Variants in CORO6 observed in about 807,000 individuals in gnomAD.
CORO6 encodes the protein coronin 6, also known as coronin-6.
Under a neutral mutation model 49.0 loss-of-function variants are expected in CORO6, and 43 were observed. The observed-to-expected ratio is 0.88, with a 90% CI of 0.69 to 1.13. The LOEUF is 1.13. Ranked by LOEUF, CORO6 falls within the 50% of genes most tolerant of loss-of-function variation. The pLI, the probability that CORO6 is intolerant of heterozygous loss-of-function variation, is 0.00. For missense variants in CORO6, 650 were observed against 647.0 expected (o/e 1.00, Z -0.05); for synonymous variants, 233 against 256.5 (o/e 0.91, Z 0.88).
Position 29,618,983 on chromosome 17 carries a change from G to A in CORO6, c.452-12C>T. The stretch of plus-strand genomic sequence containing the variant: ...CACATTGTCACCACCTGCCCAGAGT[G>A]GCCAGGCATGGTCACCTGGGTCCCA... On this transcript the variant is annotated splice_polypyrimidine_tract_variant and intron_variant, in intron 4 of 10. Transcript: ENST00000388767. The A allele has an allele frequency of 6.2e-7, 1 of 1,613,332 alleles. No individual in the cohort carries two copies. Among genetic ancestry groups the A allele is most frequent in the Non-Finnish European group, 8.5e-7 (1 of 1,179,702 alleles).
At chr17:29,617,335 G>C in intron 6 of CORO6, 165 bp downstream of exon 6, 1 of 1,532,464 alleles carries the variant, frequency 6.5e-7, no homozygotes, top group Non-Finnish European at 8.7e-7. Flanking sequence ...ACGCGACGCA[G>C]CAAAACTGGG....
Position 29,615,716 on chromosome 17 carries a change from T to A in CORO6, c.*16A>T, listed in dbSNP as rs1474487444. 6.7e-7 allele frequency: 1 copy of A among 1,491,008 alleles called. No homozygotes were observed. Among genetic ancestry groups the A allele is most frequent in the Non-Finnish European group, 8.9e-7 (1 of 1,123,898 alleles). The allele number at this position is 1,491,008 out of a possible 1,614,324, so 92.4% of individuals were successfully genotyped here. Reference sequence around the variant, plus strand: ...CTTGTGCGCCCCGCCCCGCTCCGCCTGCCTGGCGCGCGGGGCTAGTCCGTG... The same window carrying A: ...CTTGTGCGCCCCGCCCCGCTCCGCCAGCCTGGCGCGCGGGGCTAGTCCGTG... On this transcript the variant is annotated 3_prime_UTR_variant, in exon 11 of 11. Transcript: ENST00000388767.
Position 29,616,444 on chromosome 17 carries a change from A to G in CORO6, c.1005-108T>C, listed in dbSNP as rs2034924143. The G allele has an allele frequency of 1.9e-6, 2 of 1,066,248 alleles. No homozygotes were observed. The highest frequency in any genetic ancestry group is 2.7e-6 in the Non-Finnish European group (2 of 730,312). 66.0% of individuals were successfully genotyped at this position (1,066,248 alleles called of 1,614,324 possible). A position where few individuals can be genotyped will look rare whatever the true frequency, so the allele number is the denominator to read the frequency against. On this transcript the variant is annotated intron_variant, in intron 8 of 10. Coordinates refer to ENST00000388767, the MANE Select transcript of CORO6 (RefSeq NM_032854.4). The surrounding 1 kb of genome is among the most constrained non-coding windows in gnomAD (Gnocchi z 5.6). The stretch of plus-strand genomic sequence containing the variant: ...AACACTTGCTCAGCGCCTACCATGC[A>G]TATTGCACATTACACACATTATTGG...
chr17:29,622,769 C>A lies in CORO6; in HGVS notation c.-145G>T, dbSNP rs1462987699. ...CGAGTGCGTAGGGGGCCGAGGAAGG[C>A]TTCAGGGCGAAGGAGCCACCTCTCC... On this transcript the variant is annotated 5_prime_UTR_variant, in exon 1 of 11. Coordinates refer to ENST00000388767, the MANE Select transcript of CORO6 (RefSeq NM_032854.4). The A allele has an allele frequency of 7.6e-7, 1 of 1,323,100 alleles. No individual in the cohort carries two copies. The highest frequency in any genetic ancestry group is 5.1e-5 in the East Asian group (1 of 19,582). The allele number at this position is 1,323,100 out of a possible 1,614,324, so 82.0% of individuals were successfully genotyped here.
rs751078194 is a variant in CORO6 at position 29,616,811 on chromosome 17, C to A, written c.895G>T (p.Glu299Ter). The change falls in exon 8 of 11, where the codon GAG becomes TAG. Residue 299 changes from glutamate to a stop codon, truncating the protein, a stop_gained. Transcript: ENST00000388767. LOFTEE classifies it high-confidence loss of function. The surrounding 1 kb of genome is among the most constrained non-coding windows in gnomAD (Gnocchi z 5.6). ...SSIRYFEITD[E>*]PPFVHYLNTF... is the part of the protein sequence containing the mutation. Reference sequence around the variant, plus strand: ...TTCAGGTAGTGCACGAAAGGCGGCTCGTCGGTAATCTCAAAGTACCGAATG... The same window carrying A: ...TTCAGGTAGTGCACGAAAGGCGGCTAGTCGGTAATCTCAAAGTACCGAATG... 9 of 1,613,722 alleles carry A rather than the reference C, an allele frequency of 5.6e-6. No homozygotes were observed. Among genetic ancestry groups the A allele is most frequent in the South Asian group, 1.1e-5 (1 of 91,080 alleles).
Position 29,615,727 on chromosome 17 carries a change from C to T in CORO6, c.*5G>A, listed in dbSNP as rs773126156. The T allele has an allele frequency of 5.7e-5, 85 of 1,498,768 alleles. No individual in the cohort carries two copies. The African/African-American group carries it at 1.0e-3, about 18-fold the overall frequency. The allele number at this position is 1,498,768 out of a possible 1,614,324, so 92.8% of individuals were successfully genotyped here. On this transcript the variant is annotated 3_prime_UTR_variant, in exon 11 of 11. Transcript: ENST00000388767. ...CGCCCCGCTCCGCCTGCCTGGCGCG[C>T]GGGGCTAGTCCGTGCCGTCCACCAG...
rs2035042910 is a variant in CORO6 at position 29,617,570 on chromosome 17, G to C, written c.683C>G (p.Thr228Arg). The C allele has an allele frequency of 6.2e-7, 1 of 1,608,488 alleles. No homozygotes were observed. The highest frequency in any genetic ancestry group is 8.5e-7 in the Non-Finnish European group (1 of 1,178,642). ...EGMRPMRAVF[T>R]RQGHIFTTGF... ...CGTGGTGAAGATATGGCCCTGGCGCGTGAAGACGGCCCGCATGGGCCTCAT... is the reference window on the plus strand; with the variant it reads ...CGTGGTGAAGATATGGCCCTGGCGCCTGAAGACGGCCCGCATGGGCCTCAT... The change falls in exon 6 of 11, where the codon ACG becomes AGG. Residue 228 changes from threonine to arginine, a missense_variant. By Grantham distance (71) the Thr-to-Arg change is moderately conservative. Transcript: ENST00000388767.
At chr17:29,620,018 T>G (rs1212425587) in intron 2 of CORO6, among the ~76,000 whole-genome samples, 1 of 152,170 alleles carries the variant, frequency 6.6e-6, no homozygotes, top group East Asian at 1.9e-4. Flanking sequence ...AACAAGATAC[T>G]TGTAGAGCTG....
intron 5 of CORO6, 147 bp from the exon 6 acceptor site, chr17:29,617,766 T>G (rs2035061678): frequency 1.1e-6 from 1 of 895,188 alleles, no homozygotes; most frequent in Non-Finnish European, 1.6e-6. Flanking sequence ...AGCACTCAGC[T>G]TCCTGCGGGG....
intron 1 of CORO6, 84 bp downstream of exon 1, chr17:29,622,604 G>A (rs995457617): frequency 1.3e-6 from 1 of 775,134 alleles, no homozygotes; most frequent in African/African-American, 1.9e-5. Flanking sequence ...GCGGCGCGGG[G>A]GGAGGAGGCG....
At position 29,616,132 on chromosome 17, in the gene CORO6, G is replaced by C. The variant is rs201736872; in HGVS notation, c.1106C>G (p.Pro369Arg). The change falls in exon 10 of 11, where the codon CCG (proline) becomes CGG (arginine). Residue 369 changes from proline to arginine, a missense_variant. Pro to Arg is a moderately radical substitution (Grantham distance 103, BLOSUM62 -2). Transcript: ENST00000388767. The surrounding 1 kb of genome is among the most constrained non-coding windows in gnomAD (Gnocchi z 5.6). ...QDDLYPDTPG[P>R]EPALEADEWL... ...TTCGTCCGCTTCTAGGGCCGGCTCC[G>C]GGCCTGGCGTATCCGGGTACAGATC... The C allele has an allele frequency of 9.4e-5, 152 of 1,613,474 alleles. No individual in the cohort carries two copies. Among genetic ancestry groups the C allele is most frequent in the Non-Finnish European group, 2.5e-5 (29 of 1,180,016 alleles).
chr17:29,622,828 G>C lies in CORO6; in HGVS notation c.-204C>G. The C allele has an allele frequency of 7.7e-7, 1 of 1,306,984 alleles. No individual in the cohort carries two copies. Among genetic ancestry groups the C allele is most frequent in the Non-Finnish European group, 1.0e-6 (1 of 992,048 alleles). The allele number at this position is 1,306,984 out of a possible 1,614,324, so 81.0% of individuals were successfully genotyped here. On this transcript the variant is annotated 5_prime_UTR_variant, in exon 1 of 11. Transcript: ENST00000388767. The stretch of plus-strand genomic sequence containing the variant: ...GTAGTATCTGGGACCCGGGTGTCCA[G>C]CTCCGCACTCTGGCCGATCCTGCGG...
In CORO6 at chr17:29,616,974, G is replaced by A; in HGVS notation, c.822C>T (p.Tyr274=). The change falls in exon 7 of 11, where the codon TAC becomes TAT. Residue 274 remains tyrosine, a synonymous_variant. Transcript: ENST00000388767. This position sits in a 1 kb window ranked among gnomAD's most constrained non-coding sequence, Gnocchi z 5.6. ...GGTAGACGATGCTGGAGTCGGGATC[G>A]TAAAAGGGCAATAGGACCCCGTTGC... The part of the protein sequence containing the change: ...DTSNGVLLPF[Y]DPDSSIVYLC... The A allele has an allele frequency of 6.2e-7, 1 of 1,613,774 alleles. No homozygotes were observed.
rs1182189738 is a variant in CORO6, at chr17:29,621,425, T to C, written c.-4A>G. Reference sequence around the variant, plus strand: ...GCCGAACCACACGTCTGCTCATAGCTGCAGGCAGAGAGGTAGGATCTCAGT... The same window carrying C: ...GCCGAACCACACGTCTGCTCATAGCCGCAGGCAGAGAGGTAGGATCTCAGT... On this transcript the variant is annotated 5_prime_UTR_variant, in exon 2 of 11. Transcript: ENST00000388767. The surrounding 1 kb of genome is among the most constrained non-coding windows in gnomAD (Gnocchi z 4.2). The C allele has an allele frequency of 6.2e-7, 1 of 1,601,940 alleles. No homozygotes were observed. Among genetic ancestry groups the C allele is most frequent in the Non-Finnish European group, 8.5e-7 (1 of 1,173,764 alleles).
chr17:29,621,197 A>T lies in CORO6; in HGVS notation c.198+27T>A, dbSNP rs746309758. 3 of 1,613,320 alleles carry T rather than the reference A, an allele frequency of 1.9e-6. No individual in the cohort carries two copies. On this transcript the variant is annotated intron_variant, in intron 2 of 10. Coordinates refer to ENST00000388767, the MANE Select transcript of CORO6 (RefSeq NM_032854.4). The surrounding 1 kb of genome is among the most constrained non-coding windows in gnomAD (Gnocchi z 4.2). ...CAGGGGCCCCAGCTAGTGTCCTCCC[A>T]CTTGCTTCCTTTCCCTGATCCCTCA...
chr17:29,619,332 T>A, intron 3 of CORO6, 143 bp from the exon 4 acceptor site: 1 of 1,061,370 alleles, frequency 9.4e-7, no homozygotes, highest in Non-Finnish European at 1.4e-6. Flanking sequence ...GGTGCATGCC[T>A]AGAACAGAAG....
At chr17:29,617,990 C>A in intron 5 of CORO6, 1 of 1,360,524 alleles carries the variant, frequency 7.4e-7, no homozygotes. Context: ...CCCGGGAAGG[C>A]GCTCCCGGCA....
chr17:29,622,722 C>A lies in CORO6; in HGVS notation c.-98G>T. 7.7e-7 allele frequency: 1 copy of A among 1,304,740 alleles called. No individual in the cohort carries two copies. Among genetic ancestry groups the A allele is most frequent in the Non-Finnish European group, 1.0e-6 (1 of 992,558 alleles). The allele number at this position is 1,304,740 out of a possible 1,614,324, so 80.8% of individuals were successfully genotyped here. A position where few individuals can be genotyped will look rare whatever the true frequency, so the allele number is the denominator to read the frequency against. ...AGCGGGCTGCGGGGCGCTCACGCTG[C>A]GAATCCTCTGCGGAAGGGGCCCGAG... On this transcript the variant is annotated 5_prime_UTR_variant, in exon 1 of 11. Coordinates refer to ENST00000388767, the MANE Select transcript of CORO6 (RefSeq NM_032854.4).
chr17:29,622,671 T>G lies in CORO6; in HGVS notation c.-64+17A>C. ...TCCGCTGGCTGCGGTGACGGCCGGG[T>G]GTGGGGGGCTGGGTACCTGGTCCTG... On this transcript the variant is annotated intron_variant, in intron 1 of 10. Transcript: ENST00000388767. 1 of 1,179,184 alleles carries G rather than the reference T, an allele frequency of 8.5e-7. No individual in the cohort carries two copies. The highest frequency in any genetic ancestry group is 1.1e-6 in the Non-Finnish European group (1 of 923,172). The allele number at this position is 1,179,184 out of a possible 1,614,324, so 73.0% of individuals were successfully genotyped here. A position where few individuals can be genotyped will look rare whatever the true frequency, so the allele number is the denominator to read the frequency against.
Sources: allele counts gnomAD v4.1 joint callset (sites outside exome capture counted in the v4.1 genomes callset), GRCh38; gene constraint gnomAD v4.1.1; non-coding constraint Gnocchi (gnomAD v3.1); transcripts MANE v1.5; gene names NCBI Gene and HGNC (gene_info 2026-07-23, HGNC 2026-07-21).